Variants in GSN observed in about 807,000 individuals in gnomAD.
The protein encoded by GSN is gelsolin.
GSN carries 56 observed loss-of-function variants against 85.7 expected under a neutral mutation model. That is an observed-to-expected ratio of 0.65 (90% CI 0.53 to 0.82). The LOEUF (loss-of-function observed/expected upper bound fraction) is 0.82. Among genes scored for constraint, GSN ranks in the 40% least tolerant of loss-of-function variants. The pLI is 0.00. For synonymous variants in GSN, 373 were observed against 399.1 expected, an observed-to-expected ratio of 0.93 and a Z score of 0.78; for missense variants, 857 against 979.8, an observed-to-expected ratio of 0.87 and a Z score of 1.67.
At chr9:121,331,915 G>C (rs2063957208) in intron 17 of GSN, 1 of 193,952 alleles carries the variant, frequency 5.2e-6, no homozygotes. Flanking sequence ...AATTAGCCAG[G>C]CGTGTTGGTG....
chr9:121,245,048 C>T (rs1436406613), intron 5 of GSN, among the ~76,000 whole-genome samples: 3 of 151,894 alleles, frequency 2.0e-5, no homozygotes, highest in Middle Eastern at 3.2e-3. Context: ...AATCAAATTC[C>T]TAGAAAGTAA....
At chr9:121,267,194 T>G (rs2055251798), upstream of GSN, among the ~76,000 whole-genome samples, 1 of 152,224 alleles carries the variant, frequency 6.6e-6, no homozygotes, top group Admixed American at 6.5e-5. Context: ...AACTCATGTG[T>G]GCACCAGGAC....
At chr9:121,317,531 C>T in intron 8 of GSN, 1 of 375,708 alleles carries the variant, frequency 2.7e-6, no homozygotes, top group South Asian at 2.4e-5. Context: ...ACTGTATGGT[C>T]AGATAAATTC....
At chr9:121,243,154 C>T (rs560234495) in intron 5 of GSN, among the ~76,000 whole-genome samples, 2 of 152,306 alleles carry the variant, frequency 1.3e-5, no homozygotes, top group South Asian at 4.1e-4. Flanking sequence ...GAATCCACTT[C>T]CCTGCCTTTT....
rs2061923854 is a variant in GSN at position 121,318,046 on chromosome 9, G to A, written c.887-360G>A. On this transcript the variant is annotated intron_variant, in intron 8 of 17. Coordinates refer to ENST00000432226, the MANE Select transcript of GSN (RefSeq NM_198252.3). This position sits in a 1 kb window ranked among gnomAD's most constrained non-coding sequence, Gnocchi z 4.3. ...TCACTCACTGAGTAACCTAGGTCAA[G>A]TAATTTAATCTCTCTAAGACCCTAG... is the stretch of plus-strand genomic sequence containing the variant. 6.6e-6 allele frequency among the ~76,000 whole-genome samples: 1 copy of A among 152,224 alleles called. No individual in the cohort carries two copies. Among genetic ancestry groups the A allele is most frequent in the African/African-American group, 2.4e-5 (1 of 41,452 alleles).
In GSN at chr9:121,299,067, T is replaced by G. The variant is rs1237639152; in HGVS notation, c.-9-2896T>G. On this transcript the variant is annotated intron_variant, in intron 2 of 17. Coordinates refer to ENST00000432226, the MANE Select transcript of GSN (RefSeq NM_198252.3). The surrounding 1 kb of genome is among the most constrained non-coding windows in gnomAD (Gnocchi z 4.2). ...TGAACCATCAGCTAAAAGAGGTAGA[T>G]AGCAGTGGTTGCCCCTGGGGAGAGG... 6.6e-6 allele frequency among the ~76,000 whole-genome samples: 1 copy of G among 152,186 alleles called. No homozygotes were observed. The highest frequency in any genetic ancestry group is 1.9e-4 in the East Asian group (1 of 5,200).
chr9:121,286,057 A>T, intron 2 of GSN: 1 of 1,482,262 alleles, frequency 6.7e-7, no homozygotes, highest in Non-Finnish European at 9.1e-7. Context: ...AGCTATTTCC[A>T]GACTAATCCT....
At position 121,332,720 on chromosome 9, in the gene GSN, T is replaced by TG; in HGVS notation, c.*118dup. ...TATGAGTGTGTGTGTGTGTGTGTGT[T>TG]GTTTCTTTTTTTTTTTTTTACAGTA... On this transcript the variant is annotated 3_prime_UTR_variant, in exon 18 of 18. Coordinates refer to ENST00000432226, the MANE Select transcript of GSN (RefSeq NM_198252.3). This position sits in a 1 kb window ranked among gnomAD's most constrained non-coding sequence, Gnocchi z 4.8. 2.8e-6 allele frequency: 2 copies of TG among 715,426 alleles called. No homozygotes were observed. Among genetic ancestry groups the TG allele is most frequent in the Admixed American group, 6.4e-5 (2 of 31,438 alleles). 44.3% of individuals were successfully genotyped at this position (715,426 alleles called of 1,614,324 possible).
At position 121,303,115 on chromosome 9, in the gene GSN, A is replaced by G. The variant is rs763755977; in HGVS notation, c.351+50A>G. On this transcript the variant is annotated intron_variant, in intron 4 of 17. Transcript: ENST00000432226. Reference sequence around the variant, plus strand: ...AGCGGTAGGGACAGATGCACCAGTAACAGGGCTCACTCAGGCCCATCTATC... The same window carrying G: ...AGCGGTAGGGACAGATGCACCAGTAGCAGGGCTCACTCAGGCCCATCTATC... 3 of 1,569,026 alleles carry G rather than the reference A, an allele frequency of 1.9e-6. No homozygotes were observed. In the African/African-American group the frequency reaches 4.0e-5, roughly 21 times the overall value.
rs563020635 is a variant in GSN, at chr9:121,233,074, G to A, written c.-389+1771G>A. Among the ~76,000 whole-genome samples the A allele has an allele frequency of 1.7e-4, 26 of 152,310 alleles. 2 individuals carry two copies. In the South Asian group the frequency reaches 5.0e-3, roughly 29 times the overall value. Reference sequence around the variant, plus strand: ...CCTGAGACTGCTTAACCAACAATATGTGGTAGAAGTGATGCTCTCTGTCAG... The same window carrying A: ...CCTGAGACTGCTTAACCAACAATATATGGTAGAAGTGATGCTCTCTGTCAG... On this transcript the variant is annotated intron_variant, in intron 5 of 24. Transcript: ENST00000373823.
At chr9:121,247,192 A>C (rs2054716582) in intron 5 of GSN, among the ~76,000 whole-genome samples, 1 of 152,108 alleles carries the variant, frequency 6.6e-6, no homozygotes, top group Non-Finnish European at 1.5e-5. Context: ...GGGCTTGCTC[A>C]AGTTCAGTGG....
chr9:121,304,920 G>A (rs2060246835), intron 4 of GSN, among the ~76,000 whole-genome samples: 2 of 152,192 alleles, frequency 1.3e-5, no homozygotes, highest in Admixed American at 1.3e-4. Flanking sequence ...CTCACGAAGA[G>A]TTAATCCATT....
Position 121,318,956 on chromosome 9 carries a change from A to G in GSN, c.1191+76A>G. 1 of 1,215,020 alleles carries G rather than the reference A, an allele frequency of 8.2e-7. No individual in the cohort carries two copies. Among genetic ancestry groups the G allele is most frequent in the East Asian group, 2.3e-5 (1 of 42,716 alleles). The allele number at this position is 1,215,020 out of a possible 1,614,324, so 75.3% of individuals were successfully genotyped here. A position where few individuals can be genotyped will look rare whatever the true frequency, so the allele number is the denominator to read the frequency against. ...CCATGCACTGCCTCTTGCTTCCCCA[A>G]GGAGGTTTCTCTCTGAGGTTTGCAC... On this transcript the variant is annotated intron_variant, in intron 10 of 17. Coordinates refer to ENST00000432226, the MANE Select transcript of GSN (RefSeq NM_198252.3). This position sits in a 1 kb window ranked among gnomAD's most constrained non-coding sequence, Gnocchi z 4.3.
At chr9:121,260,126 G>T (rs2055051294) in intron 6 of GSN, among the ~76,000 whole-genome samples, 1 of 152,220 alleles carries the variant, frequency 6.6e-6, no homozygotes, top group Non-Finnish European at 1.5e-5. Flanking sequence ...CCCCAAGGGG[G>T]CTCACCTAGA....
chr9:121,316,375 T>C (rs1375085813), intron 7 of GSN, among the ~76,000 whole-genome samples: 1 of 152,238 alleles, frequency 6.6e-6, no homozygotes, highest in East Asian at 1.9e-4. Flanking sequence ...CTATAGACTT[T>C]AGCCAGATTT....
chr9:121,299,330 C>T lies in GSN; in HGVS notation c.-9-2633C>T, dbSNP rs1174700581. On this transcript the variant is annotated intron_variant, in intron 2 of 17. Transcript: ENST00000432226. This position sits in a 1 kb window ranked among gnomAD's most constrained non-coding sequence, Gnocchi z 4.2. Reference sequence around the variant, plus strand: ...CTGCCTGGTGGGGGTTCTGCCCAGGCCCACTACGGCCTGAGTTCAAATCCC... The same window carrying T: ...CTGCCTGGTGGGGGTTCTGCCCAGGTCCACTACGGCCTGAGTTCAAATCCC... 1.0e-6 allele frequency: 1 copy of T among 984,044 alleles called. No individual in the cohort carries two copies. The highest frequency in any genetic ancestry group is 1.7e-5 in the African/African-American group (1 of 57,192). 61.0% of individuals were successfully genotyped at this position (984,044 alleles called of 1,614,324 possible).
In GSN at chr9:121,312,399, G is replaced by C. The variant is rs756817108; in HGVS notation, c.574G>C (p.Val192Leu). Residue 192 changes from valine (V) to leucine (L), a missense_variant, in exon 6 of 18, where the codon GTG (valine) becomes CTG (leucine). Coordinates refer to ENST00000432226, the MANE Select transcript of GSN (RefSeq NM_198252.3). Reference protein sequence around the residue: ...NRYERLKATQVSKGIRDNERS... With the variant: ...NRYERLKATQLSKGIRDNERS... ...GTATGAAAGACTGAAGGCCACACAG[G>C]TGTCCAAGGGCATCCGGGACAACGA... 6.2e-7 allele frequency: 1 copy of C among 1,613,890 alleles called. No individual in the cohort carries two copies. Among genetic ancestry groups the C allele is most frequent in the Non-Finnish European group, 8.5e-7 (1 of 1,179,878 alleles).
At chr9:121,248,774 T>G (rs1482557155) in intron 6 of GSN, among the ~76,000 whole-genome samples, 2 of 149,490 alleles carry the variant, frequency 1.3e-5, no homozygotes, top group Non-Finnish European at 3.0e-5. Flanking sequence ...CACACAAACA[T>G]AGATTATTGG....
At chr9:121,212,078 C>T (rs760647235) in intron 4 of GSN, among the ~76,000 whole-genome samples, 8 of 152,088 alleles carry the variant, frequency 5.3e-5, no homozygotes, top group African/African-American at 1.2e-4. Context: ...ACCACCTTCC[C>T]GTTTTTCTGT....
Sources: allele counts gnomAD v4.1 joint callset (sites outside exome capture counted in the v4.1 genomes callset), GRCh38; gene constraint gnomAD v4.1.1; non-coding constraint Gnocchi (gnomAD v3.1); transcripts MANE v1.5; gene names NCBI Gene and HGNC (gene_info 2026-07-23, HGNC 2026-07-21).